The following CDH12 variants were observed in gnomAD, a reference collection of about 807,000 sequenced individuals.
CDH12 encodes cadherin-12.
A neutral mutation model predicts 74.1 loss-of-function variants in CDH12; 41 were observed. That is an observed-to-expected ratio of 0.55 (90% confidence interval 0.43 to 0.72). CDH12 has a LOEUF of 0.72. Ranked by LOEUF, CDH12 falls within the 30% of genes least tolerant of loss-of-function variation. CDH12 has a pLI of 0.00. For synonymous variants in CDH12, 399 were observed against 355.0 expected (o/e 1.12, Z -1.39); for missense variants, 945 against 977.2 (o/e 0.97, Z 0.44).
At chr5:21,898,086 C>G (rs1322885404) in intron 6 of CDH12, among the ~76,000 whole-genome samples, 2 of 151,890 alleles carry the variant, frequency 1.3e-5, no homozygotes, top group East Asian at 3.9e-4. Context: ...AAAGTACTTT[C>G]TTGAATATTA....
chr5:22,800,492 CCATTAT>C (rs1748454104), intron 1 of CDH12, among the ~76,000 whole-genome samples: 1 of 152,110 alleles, frequency 6.6e-6, no homozygotes, highest in African/African-American at 2.4e-5. Context: ...ACAGTTTCCT[CCATTAT>C]CAACATCCCC....
chr5:22,068,931 G>T (rs1266740098), intron 5 of CDH12, among the ~76,000 whole-genome samples: 1 of 152,136 alleles, frequency 6.6e-6, no homozygotes, highest in East Asian at 1.9e-4. Context: ...CAGCAGTAGA[G>T]ACCAACAGTA....
At chr5:22,850,715 T>G (rs1397136982) in intron 1 of CDH12, among the ~76,000 whole-genome samples, 1 of 151,918 alleles carries the variant, frequency 6.6e-6, no homozygotes, top group East Asian at 1.9e-4. Context: ...ACATCTGTAA[T>G]CACTCTTTCC....
chr5:22,051,142 G>C (rs1480708992), intron 5 of CDH12, among the ~76,000 whole-genome samples: 1 of 152,094 alleles, frequency 6.6e-6, no homozygotes, highest in Non-Finnish European at 1.5e-5. Context: ...CATGACAGCT[G>C]TTGTGGAGAG....
In CDH12 at chr5:21,751,751, C is replaced by G; in HGVS notation, c.2371G>C (p.Asp791His). The change falls in exon 15 of 15, where the codon GAT becomes CAT. Residue 791 changes from aspartate to histidine, a missense_variant. By Grantham distance (81) the Asp-to-His change is moderately conservative. Coordinates refer to ENST00000382254, the MANE Select transcript of CDH12 (RefSeq NM_004061.5). Reference sequence around the variant, plus strand: ...CCACGACTCCCTTAAGTGACTTTATCAGGGTTATAACTCTCTTCTTCGCCA... The same window carrying G: ...CCACGACTCCCTTAAGTGACTTTATGAGGGTTATAACTCTCTTCTTCGCCA... ...MFGEEESYNP[D>H]KVT 1 of 1,611,790 alleles carries G rather than the reference C, an allele frequency of 6.2e-7. No individual in the cohort carries two copies. The highest frequency in any genetic ancestry group is 8.5e-7 in the Non-Finnish European group (1 of 1,178,984).
intron 6 of CDH12, chr5:21,882,879 C>T: frequency 1.2e-6 from 2 of 1,600,672 alleles, no homozygotes; most frequent in South Asian, 2.2e-5. Context: ...TGGAGCTAAA[C>T]TTGTTCAAGA....
chr5:22,482,204 T>C (rs560141494), intron 2 of CDH12, among the ~76,000 whole-genome samples: 1 of 152,288 alleles, frequency 6.6e-6, no homozygotes, highest in East Asian at 1.9e-4. Flanking sequence ...GGCCGTCATA[T>C]TTCAGATAAG....
At chr5:22,782,851 C>A (rs75420877) in intron 1 of CDH12, among the ~76,000 whole-genome samples, 7,776 of 152,206 alleles carry the variant, frequency 0.051, 290 homozygotes, top group South Asian at 0.11. Context: ...CAAGTCTTCA[C>A]AATGAAACAA....
chr5:22,824,813 C>A (rs1005251656), intron 1 of CDH12, among the ~76,000 whole-genome samples: 20 of 151,728 alleles, frequency 1.3e-4, no homozygotes, highest in African/African-American at 4.8e-4. Flanking sequence ...AACATAACAA[C>A]AATAGCATTA....
chr5:22,455,531 T>G (rs1471541578), intron 2 of CDH12, among the ~76,000 whole-genome samples: 2 of 152,158 alleles, frequency 1.3e-5, no homozygotes, highest in Admixed American at 6.5e-5. Flanking sequence ...CTAGGTGATT[T>G]TGACAAAAGC....
intron 10 of CDH12, among the ~76,000 whole-genome samples, chr5:21,801,760 G>T (rs1352313731): frequency 6.6e-6 from 1 of 152,146 alleles, no homozygotes; most frequent in African/African-American, 2.4e-5. Context: ...TGGGTAAGGG[G>T]TCAGAAATTT....
chr5:22,528,111 G>T (rs747404133), intron 1 of CDH12, among the ~76,000 whole-genome samples: 1 of 152,122 alleles, frequency 6.6e-6, no homozygotes, highest in African/African-American at 2.4e-5. Context: ...ATAGAATTCA[G>T]ATTAGTTAGA....
chr5:22,641,777 A>G (rs1561546522), intron 1 of CDH12, among the ~76,000 whole-genome samples: 1 of 152,174 alleles, frequency 6.6e-6, no homozygotes, highest in African/African-American at 2.4e-5. Context: ...TAAAATTTTT[A>G]TGTTTATTTC....
intron 1 of CDH12, among the ~76,000 whole-genome samples, chr5:22,544,936 G>A (rs1216479359): frequency 2.6e-5 from 4 of 151,840 alleles, no homozygotes; most frequent in African/African-American, 4.8e-5. Context: ...TTAAATCAGA[G>A]ACAGCTCAAT....
At chr5:22,437,506 C>T (rs1056460101) in intron 2 of CDH12, among the ~76,000 whole-genome samples, 22 of 148,700 alleles carry the variant, frequency 1.5e-4, no homozygotes, top group African/African-American at 5.0e-4. Context: ...AATATAATAG[C>T]GGAAAATTTC....
At chr5:22,651,038 T>A (rs268983) in intron 1 of CDH12, among the ~76,000 whole-genome samples, 71,075 of 151,776 alleles carry the variant, frequency 0.47, 16,858 homozygotes, top group Admixed American at 0.56. Context: ...TGAGCAGAGA[T>A]TTCCAATTAT....
chr5:22,305,013 A>G (rs774136133), intron 3 of CDH12, among the ~76,000 whole-genome samples: 1 of 152,210 alleles, frequency 6.6e-6, no homozygotes, highest in Non-Finnish European at 1.5e-5. Context: ...CCAAGCAATA[A>G]AATAATTGCT....
At chr5:22,618,595 G>A (rs188789897) in intron 1 of CDH12, among the ~76,000 whole-genome samples, 4 of 152,222 alleles carry the variant, frequency 2.6e-5, no homozygotes, top group Admixed American at 6.5e-5. Flanking sequence ...TATTGAGAAA[G>A]TCTTACATTT....
chr5:22,507,446 T>C (rs1380401049), intron 1 of CDH12, among the ~76,000 whole-genome samples: 2 of 152,136 alleles, frequency 1.3e-5, no homozygotes, highest in Admixed American at 6.6e-5. Context: ...AACATTTTTA[T>C]TATAAAAGTT....
Sources: gnomAD v4.1 joint callset for allele counts (sites outside exome capture counted in the v4.1 genomes callset) on GRCh38, gnomAD v4.1.1 for gene constraint, MANE v1.5 for transcripts, NCBI Gene and HGNC (gene_info 2026-07-23, HGNC 2026-07-21) for gene names.